Variants in ANKFN1 observed in about 807,000 individuals in gnomAD.
ANKFN1 encodes ankyrin repeat and fibronectin type III domain containing 1.
ANKFN1 carries 74 observed loss-of-function variants against 108.7 expected under a neutral mutation model. That is an observed-to-expected ratio of 0.68 (90% confidence interval 0.56 to 0.83). The LOEUF is 0.83. Among genes scored for constraint, ANKFN1 ranks in the 40% least tolerant of loss-of-function variants. The pLI is 0.00. For synonymous variants in ANKFN1, 547 were observed against 516.2 expected (o/e 1.06, Z -0.81); for missense variants, 1,505 against 1,382.3 (o/e 1.09, Z -1.41).
At chr17:56,238,538 C>T (rs1187756659) in intron 3 of ANKFN1, among the ~76,000 whole-genome samples, 1 of 151,932 alleles carries the variant, frequency 6.6e-6, no homozygotes, top group African/African-American at 2.4e-5. Flanking sequence ...TATGTAATGC[C>T]CTTCTTTGTC....
chr17:56,511,475 C>A lies in ANKFN1; in HGVS notation c.*206C>A. ...TTGCCAGTGCCATTCCCACTTCAGCCTAGAAAGGGCATGGGGGAGTTGTGT... is the reference window on the plus strand; with the variant it reads ...TTGCCAGTGCCATTCCCACTTCAGCATAGAAAGGGCATGGGGGAGTTGTGT... On this transcript the variant is annotated 3_prime_UTR_variant, in exon 21 of 21. Transcript: ENST00000682825. The A allele has an allele frequency of 1.7e-6, 1 of 591,566 alleles. No homozygotes were observed. The highest frequency in any genetic ancestry group is 2.3e-5 in the South Asian group (1 of 43,978). The allele number at this position is 591,566 out of a possible 1,614,324, so 36.6% of individuals were successfully genotyped here.
chr17:56,235,607 G>A (rs1384773708), intron 3 of ANKFN1, among the ~76,000 whole-genome samples: 1 of 152,142 alleles, frequency 6.6e-6, no homozygotes, highest in East Asian at 1.9e-4. Flanking sequence ...TTCTTGAAAA[G>A]GGAGTCCTTT....
intron 3 of ANKFN1, among the ~76,000 whole-genome samples, chr17:56,256,928 T>C (rs1043053148): frequency 1.3e-5 from 2 of 152,208 alleles, no homozygotes; most frequent in Non-Finnish European, 2.9e-5. Context: ...TGTCTACCCA[T>C]TCATTGATTC....
intron 1 of ANKFN1, among the ~76,000 whole-genome samples, chr17:56,173,302 T>C (rs1910845601): frequency 6.6e-6 from 1 of 152,178 alleles, no homozygotes; most frequent in South Asian, 2.1e-4. Flanking sequence ...CTGTTCCCCC[T>C]GCATAGAATG....
chr17:56,231,924 T>C (rs1916765405), intron 3 of ANKFN1, among the ~76,000 whole-genome samples: 1 of 152,138 alleles, frequency 6.6e-6, no homozygotes, highest in Non-Finnish European at 1.5e-5. Context: ...TCACAACATC[T>C]TCTCTCGAAG....
chr17:56,290,221 G>T (rs1055903107), intron 3 of ANKFN1, among the ~76,000 whole-genome samples: 4 of 151,608 alleles, frequency 2.6e-5, no homozygotes, highest in Admixed American at 6.6e-5. Flanking sequence ...CAACTCTCTT[G>T]TTCTACAAAG....
intron 9 of ANKFN1, among the ~76,000 whole-genome samples, chr17:56,441,539 T>C (rs2049105325): frequency 6.6e-6 from 1 of 152,108 alleles, no homozygotes; most frequent in African/African-American, 2.4e-5. Flanking sequence ...AGAGATGCTA[T>C]CAGTAGAAGA....
At chr17:56,304,163 CT>C (rs2044751211) in intron 3 of ANKFN1, among the ~76,000 whole-genome samples, 1 of 152,140 alleles carries the variant, frequency 6.6e-6, no homozygotes, top group Non-Finnish European at 1.5e-5. Flanking sequence ...CCTCCTGCCC[CT>C]ACCCCCTCCT....
At chr17:56,343,511 AT>A (rs1335529118) in intron 4 of ANKFN1, among the ~76,000 whole-genome samples, 1 of 151,632 alleles carries the variant, frequency 6.6e-6, no homozygotes, top group Non-Finnish European at 1.5e-5. Context: ...CTCTCTTGCT[AT>A]CTTTAACTTT....
intron 14 of ANKFN1, among the ~76,000 whole-genome samples, chr17:56,458,722 C>A (rs909972673): frequency 2.6e-5 from 4 of 152,038 alleles, no homozygotes; most frequent in African/African-American, 9.7e-5. Flanking sequence ...GGGATTGGAG[C>A]CATTAAGAGA....
chr17:56,134,542 T>G (rs542283028), intron 4 of ANKFN1, among the ~76,000 whole-genome samples: 1 of 152,096 alleles, frequency 6.6e-6, no homozygotes, highest in South Asian at 2.1e-4. Flanking sequence ...ATTTAGGAGC[T>G]CTGTGTCAAG....
intron 15 of ANKFN1, chr17:56,471,173 A>G (rs2050304901): frequency 6.5e-6 from 1 of 152,730 alleles, no homozygotes; most frequent in African/African-American, 2.4e-5. Flanking sequence ...CATATCAACT[A>G]GAAGAGGGAC....
intron 12 of ANKFN1, 67 bp downstream of exon 12, chr17:56,457,027 T>C: frequency 2.8e-6 from 4 of 1,442,946 alleles, no homozygotes; most frequent in South Asian, 2.5e-5. Context: ...TGGTTCTGAG[T>C]AGAAACTTGG....
chr17:56,308,003 C>T (rs952118139), intron 3 of ANKFN1, among the ~76,000 whole-genome samples: 5 of 151,968 alleles, frequency 3.3e-5, no homozygotes, highest in Admixed American at 6.6e-5. Flanking sequence ...TGAAGAGAAC[C>T]GCATGTTCTC....
chr17:56,291,155 A>C (rs2044353247), intron 3 of ANKFN1, among the ~76,000 whole-genome samples: 1 of 152,178 alleles, frequency 6.6e-6, no homozygotes, highest in South Asian at 2.1e-4. Flanking sequence ...GTAATTTCTG[A>C]GGGGGCAAAA....
chr17:56,468,749 G>A (rs1286543335), intron 15 of ANKFN1, among the ~76,000 whole-genome samples: 1 of 152,178 alleles, frequency 6.6e-6, no homozygotes, highest in Admixed American at 6.5e-5. Context: ...GCAAAGGTAA[G>A]CTAATTGGTC....
intron 8 of ANKFN1, among the ~76,000 whole-genome samples, chr17:56,434,286 A>C (rs528121889): frequency 6.6e-6 from 1 of 152,212 alleles, no homozygotes; most frequent in East Asian, 1.9e-4. Context: ...TGGATGGCAG[A>C]ACCTGCCAAT....
At chr17:56,142,709 A>G (rs1907998272) in intron 4 of ANKFN1, among the ~76,000 whole-genome samples, 1 of 152,204 alleles carries the variant, frequency 6.6e-6, no homozygotes, top group Non-Finnish European at 1.5e-5. Flanking sequence ...GTGGTCCCAA[A>G]GCAGCAGCAC....
intron 5 of ANKFN1, among the ~76,000 whole-genome samples, chr17:56,352,696 A>G (rs185126132): frequency 6.6e-6 from 1 of 152,336 alleles, no homozygotes; most frequent in East Asian, 1.9e-4. Context: ...CATGAGGCCC[A>G]AAACCAATTT....
Sources: gnomAD v4.1 joint callset for allele counts (sites outside exome capture counted in the v4.1 genomes callset) on GRCh38, gnomAD v4.1.1 for gene constraint, MANE v1.5 for transcripts, NCBI Gene and HGNC (gene_info 2026-07-23, HGNC 2026-07-21) for gene names.